The following PTGES3L variants were observed in gnomAD, a reference collection of about 807,000 sequenced individuals.
The protein encoded by PTGES3L is putative protein PTGES3L.
In PTGES3L, 17 loss-of-function variants were observed where a neutral mutation model predicts 25.0. That is an observed-to-expected ratio of 0.68 (90% CI 0.47 to 1.02). PTGES3L has a LOEUF of 1.02. Ranked by LOEUF, PTGES3L falls within the 50% of genes least tolerant of loss-of-function variation. The pLI, the probability that PTGES3L is intolerant of heterozygous loss-of-function variation, is 0.00. For missense variants in PTGES3L, 202 were observed against 197.5 expected (o/e 1.02, Z -0.14); for synonymous variants, 59 against 65.7 (o/e 0.90, Z 0.50).
intron 4 of PTGES3L, among the ~76,000 whole-genome samples, chr17:42,974,690 T>C (rs2049922112): frequency 6.7e-6 from 1 of 149,574 alleles, no homozygotes. Context: ...GGAGGATTAC[T>C]GGAACCCGGA....
At position 42,969,189 on chromosome 17, in the gene PTGES3L, G is replaced by T. The variant is rs769365249; in HGVS notation, c.433-3C>A. On this transcript the variant is annotated splice_polypyrimidine_tract_variant and splice_region_variant and intron_variant, in intron 6 of 6. Transcript: ENST00000591916. ...TCATCAGCACTGTCAGAATCATCCT[G>T]GGGGCGGGGGGGAAAAAAGACAAAG... The T allele has an allele frequency of 2.8e-5, 22 of 792,290 alleles. 1 individual carries two copies. Among genetic ancestry groups the T allele is most frequent in the South Asian group, 1.5e-4 (9 of 59,064 alleles). 49.1% of individuals were successfully genotyped at this position (792,290 alleles called of 1,614,324 possible). A position where few individuals can be genotyped will look rare whatever the true frequency, so the allele number is the denominator to read the frequency against.
chr17:42,968,762 T>C lies in PTGES3L; in HGVS notation c.*386A>G. ...GAGATTTATTATAATCTGTTTCTTCTTTGGCTTTTTGCTTTGCCCCATATG... is the reference window on the plus strand; with the variant it reads ...GAGATTTATTATAATCTGTTTCTTCCTTGGCTTTTTGCTTTGCCCCATATG... On this transcript the variant is annotated 3_prime_UTR_variant, in exon 7 of 7. Transcript: ENST00000591916. The C allele has an allele frequency of 5.6e-6, 1 of 178,408 alleles. No individual in the cohort carries two copies. Among genetic ancestry groups the C allele is most frequent in the Non-Finnish European group, 1.2e-5 (1 of 85,702 alleles). 11.1% of individuals were successfully genotyped at this position (178,408 alleles called of 1,614,324 possible). A position where few individuals can be genotyped will look rare whatever the true frequency, so the allele number is the denominator to read the frequency against.
At chr17:42,973,486 G>C (rs964351796) in intron 4 of PTGES3L, among the ~76,000 whole-genome samples, 36 of 151,934 alleles carry the variant, frequency 2.4e-4, no homozygotes, top group African/African-American at 8.5e-4. Context: ...ACCCCGTCTG[G>C]GAGGTGTGCC....
At chr17:42,972,560 G>A (rs2049864113) in intron 4 of PTGES3L, among the ~76,000 whole-genome samples, 1 of 152,304 alleles carries the variant, frequency 6.6e-6, no homozygotes, top group East Asian at 1.9e-4. Flanking sequence ...CTAACCGCGA[G>A]TGATCCGCCA....
chr17:42,971,766 A>C, intron 4 of PTGES3L, 70 bp from the exon 5 acceptor site: 1 of 1,548,250 alleles, frequency 6.5e-7, no homozygotes, highest in Non-Finnish European at 8.9e-7. Context: ...GAGTGTGGGC[A>C]TATGCATGGG....
intron 4 of PTGES3L, 57 bp downstream of exon 4, chr17:42,979,113 C>T: frequency 1.3e-6 from 2 of 1,596,240 alleles, no homozygotes; most frequent in Admixed American, 3.3e-5. Context: ...CAAGGACAAT[C>T]CCAGCTGTAA....
Position 42,969,188 on chromosome 17 carries a change from TG to T in PTGES3L, c.433-3del, listed in dbSNP as rs747833167. The T allele has an allele frequency of 8.4e-4, 850 of 1,012,012 alleles. 15 individuals carry two copies. In the East Asian group the frequency reaches 0.018, roughly 22 times the overall value. 62.7% of individuals were successfully genotyped at this position (1,012,012 alleles called of 1,614,324 possible). A position where few individuals can be genotyped will look rare whatever the true frequency, so the allele number is the denominator to read the frequency against. ...ATCATCAGCACTGTCAGAATCATCCTGGGGGCGGGGGGGAAAAAAGACAAAG... is the reference window on the plus strand; with the variant it reads ...ATCATCAGCACTGTCAGAATCATCCTGGGGCGGGGGGGAAAAAAGACAAAG... On this transcript the variant is annotated splice_polypyrimidine_tract_variant and splice_region_variant and intron_variant, in intron 6 of 6. Transcript: ENST00000591916.
At chr17:42,973,218 A>G (rs2049885489) in intron 4 of PTGES3L, among the ~76,000 whole-genome samples, 1 of 146,474 alleles carries the variant, frequency 6.8e-6, no homozygotes, top group African/African-American at 2.5e-5. Flanking sequence ...CCGCCCGGCC[A>G]GCCGCCCCGT....
At chr17:42,972,396 T>G (rs2049859889) in intron 4 of PTGES3L, among the ~76,000 whole-genome samples, 1 of 137,008 alleles carries the variant, frequency 7.3e-6, no homozygotes, top group African/African-American at 2.7e-5. Context: ...GAAGCTGGAC[T>G]GTACTGCTGC....
At chr17:42,971,309 A>G (rs2049832875) in intron 5 of PTGES3L, among the ~76,000 whole-genome samples, 1 of 106,444 alleles carries the variant, frequency 9.4e-6, no homozygotes, top group South Asian at 3.0e-4. Flanking sequence ...CACACACAGA[A>G]AACAGTAGAA....
chr17:42,969,350 T>G (rs1000912538), intron 6 of PTGES3L, among the ~76,000 whole-genome samples, 164 bp from the exon 7 acceptor site: 16 of 151,848 alleles, frequency 1.1e-4, no homozygotes, highest in Admixed American at 1.3e-4. Flanking sequence ...TAACTTACTT[T>G]GGATGTTAAG....
At chr17:42,977,536 G>A (rs1273315620) in intron 4 of PTGES3L, among the ~76,000 whole-genome samples, 7 of 150,320 alleles carry the variant, frequency 4.7e-5, no homozygotes, top group Admixed American at 1.3e-4. Flanking sequence ...CCCAGGAGGC[G>A]GAGGTTGCAG....
At chr17:42,970,170 A>G in intron 6 of PTGES3L, 119 bp downstream of exon 6, 2 of 1,233,728 alleles carry the variant, frequency 1.6e-6, no homozygotes, top group South Asian at 2.7e-5. Context: ...GTCAAACTCA[A>G]ATTTGGTTAA....
chr17:42,973,115 T>C (rs1183770650), intron 4 of PTGES3L, among the ~76,000 whole-genome samples: 7 of 114,666 alleles, frequency 6.1e-5, no homozygotes, highest in East Asian at 5.5e-4. Flanking sequence ...GTGAGGAGCC[T>C]CTCCGCCCGG....
In PTGES3L at chr17:42,968,134, C is replaced by T. The variant is rs940766026; in HGVS notation, c.*1014G>A. The stretch of plus-strand genomic sequence containing the variant: ...CAATGCATTTATTTTGTTTAAGTTA[C>T]AGTCAACTGTACATATTAGGCACTC... On this transcript the variant is annotated 3_prime_UTR_variant, in exon 7 of 7. Transcript: ENST00000591916. 5.9e-5 allele frequency: 9 copies of T among 152,180 alleles called. No individual in the cohort carries two copies. The highest frequency in any genetic ancestry group is 2.2e-4 in the African/African-American group (9 of 41,434). 9.4% of individuals were successfully genotyped at this position (152,180 alleles called of 1,614,324 possible).
chr17:42,970,061 AG>A (rs1332119936), intron 6 of PTGES3L, among the ~76,000 whole-genome samples: 6 of 152,126 alleles, frequency 3.9e-5, no homozygotes, highest in East Asian at 3.9e-4. Flanking sequence ...CAGGAGGCAG[AG>A]GTTGCAGTGA....
chr17:42,971,720 C>A, intron 4 of PTGES3L, 24 bp from the exon 5 acceptor site: 1 of 1,613,410 alleles, frequency 6.2e-7, no homozygotes, highest in South Asian at 1.1e-5. Flanking sequence ...CACCAAGAGT[C>A]ACAGGCCAGG....
chr17:42,968,798 A>G lies in PTGES3L; in HGVS notation c.*350T>C. 4.3e-6 allele frequency: 1 copy of G among 231,452 alleles called. No homozygotes were observed. The allele number at this position is 231,452 out of a possible 1,614,324, so 14.3% of individuals were successfully genotyped here. ...GCTTTGCCCCATATGCACACATAGT[A>G]GAGATTTCTATAATCTGCATTCTTC... On this transcript the variant is annotated 3_prime_UTR_variant, in exon 7 of 7. Coordinates refer to ENST00000591916, the MANE Select transcript of PTGES3L (RefSeq NM_001261430.2).
At position 42,971,761 on chromosome 17, in the gene PTGES3L, T is replaced by G; in HGVS notation, c.289-65A>C. 2.6e-6 allele frequency: 4 copies of G among 1,568,522 alleles called. No homozygotes were observed. In the South Asian group the frequency reaches 4.4e-5, roughly 17 times the overall value. ...AGGAGCAGGAGTGTGTGGGAGAGTG[T>G]GGGCATATGCATGGGAGCACGCCTG... On this transcript the variant is annotated intron_variant, in intron 4 of 6. Transcript: ENST00000591916.
Sources: gnomAD v4.1 joint callset for allele counts (sites outside exome capture counted in the v4.1 genomes callset) on GRCh38, gnomAD v4.1.1 for gene constraint, MANE v1.5 for transcripts, NCBI Gene and HGNC (gene_info 2026-07-23, HGNC 2026-07-21) for gene names.